Variants in PRKCD observed in about 807,000 individuals in gnomAD.
PRKCD encodes the protein protein kinase C delta type.
In PRKCD, 20 loss-of-function variants were observed where a neutral mutation model predicts 82.2. The ratio of observed to expected loss-of-function variants is 0.24; its 90% CI spans 0.17 to 0.35. The LOEUF (loss-of-function observed/expected upper bound fraction) is 0.35. Ranked by LOEUF, PRKCD falls within the 10% of genes least tolerant of loss-of-function variation. The pLI, the probability that PRKCD is intolerant of heterozygous loss-of-function variation, is 1.00. For missense variants in PRKCD, 607 were observed against 899.0 expected (o/e 0.68, Z 4.15); for synonymous variants, 317 against 337.0 (o/e 0.94, Z 0.65).
intron 2 of PRKCD, among the ~76,000 whole-genome samples, chr3:53,172,938 C>T (rs1422750867): frequency 1.3e-5 from 2 of 152,116 alleles, no homozygotes; most frequent in African/African-American, 2.4e-5. Flanking sequence ...GGGACCAGGC[C>T]GGATCTGGGA....
intron 1 of PRKCD, among the ~76,000 whole-genome samples, chr3:53,162,725 T>G (rs1702714876): frequency 6.7e-6 from 1 of 148,954 alleles, no homozygotes; most frequent in African/African-American, 2.5e-5. Context: ...TGTGTGTCCT[T>G]GCCTGCTAGT....
chr3:53,174,400 G>GC (rs1703147785), intron 2 of PRKCD, among the ~76,000 whole-genome samples: 1 of 152,196 alleles, frequency 6.6e-6, no homozygotes, highest in Admixed American at 6.5e-5. Flanking sequence ...GTGGGGTCGA[G>GC]CCCCCGGCAC....
At position 53,165,179 on chromosome 3, in the gene PRKCD, G is replaced by A. The variant is rs1213403807; in HGVS notation, c.-56G>A. 2 of 152,478 alleles carry A rather than the reference G, an allele frequency of 1.3e-5. No homozygotes were observed. Among genetic ancestry groups the A allele is most frequent in the Non-Finnish European group, 2.9e-5 (2 of 68,284 alleles). 9.4% of individuals were successfully genotyped at this position (152,478 alleles called of 1,614,324 possible). A position where few individuals can be genotyped will look rare whatever the true frequency, so the allele number is the denominator to read the frequency against. On this transcript the variant is annotated 5_prime_UTR_variant, in exon 2 of 19. Coordinates refer to ENST00000330452, the MANE Select transcript of PRKCD (RefSeq NM_006254.4). The stretch of plus-strand genomic sequence containing the variant: ...TTGGTGCGTTGTAGCAGCAGCGGGA[G>A]CCAGGACTAAGGACAAGCAGGAGCT...
chr3:53,175,865 G>A lies in PRKCD; in HGVS notation c.-19-2539G>A, dbSNP rs564707476. On this transcript the variant is annotated intron_variant, in intron 2 of 18. Coordinates refer to ENST00000330452, the MANE Select transcript of PRKCD (RefSeq NM_006254.4). ...CTCTTGGACCCTCAGGGACAAGCCAGGCAGCAAAAGGGGCAAGATGTCCAT... is the reference window on the plus strand; with the variant it reads ...CTCTTGGACCCTCAGGGACAAGCCAAGCAGCAAAAGGGGCAAGATGTCCAT... Among the ~76,000 whole-genome samples, 10 of 152,340 alleles carry A rather than the reference G, an allele frequency of 6.6e-5. No individual in the cohort carries two copies. The South Asian group carries it at 1.7e-3, about 25-fold the overall frequency.
chr3:53,187,658 G>A (rs146474730), intron 15 of PRKCD, among the ~76,000 whole-genome samples: 3 of 152,244 alleles, frequency 2.0e-5, no homozygotes, highest in Non-Finnish European at 2.9e-5. Context: ...CCTTGGAGCC[G>A]TCAGTCTCGC....
In PRKCD at chr3:53,189,254, C is replaced by A; in HGVS notation, c.1743+8C>A. The A allele has an allele frequency of 1.3e-6, 2 of 1,553,060 alleles. No individual in the cohort carries two copies. The highest frequency in any genetic ancestry group is 1.8e-6 in the Non-Finnish European group (2 of 1,136,878). On this transcript the variant is annotated splice_region_variant and intron_variant, in intron 17 of 18. Coordinates refer to ENST00000330452, the MANE Select transcript of PRKCD (RefSeq NM_006254.4). ...AAGGACATCCTGGAGAAGGTGGAGG[C>A]CCTGGGCTGGGCTGGGCTGGTCTGG...
chr3:53,188,838 C>T lies in PRKCD; in HGVS notation c.1534C>T (p.Pro512Ser). The T allele has an allele frequency of 1.2e-6, 2 of 1,614,152 alleles. No homozygotes were observed. Among genetic ancestry groups the T allele is most frequent in the Non-Finnish European group, 1.7e-6 (2 of 1,180,030 alleles). Residue 512 changes from proline to serine, a missense_variant, in exon 16 of 19, where the codon CCT becomes TCT. Physicochemically the swap from Pro to Ser is moderately conservative, Grantham distance 74. This residue lies in a region of PRKCD where 251 missense variants were observed against 423.9 expected (regional missense o/e 0.59). Transcript: ENST00000330452. ...CCGGGCCAGCACCTTCTGCGGCACC[C>T]CTGACTATATCGCCCCTGAGGTGAG... Reference protein sequence around the residue: ...ESRASTFCGTPDYIAPEILQG... With the variant: ...ESRASTFCGTSDYIAPEILQG...
At chr3:53,184,755 G>T in intron 9 of PRKCD, 119 bp from the exon 10 acceptor site, 1 of 707,058 alleles carries the variant, frequency 1.4e-6, no homozygotes, top group Non-Finnish European at 2.5e-6. Context: ...CCTAGAAACT[G>T]GAACCCAGCA....
chr3:53,179,263 C>T (rs551074059), intron 3 of PRKCD, among the ~76,000 whole-genome samples: 84 of 152,326 alleles, frequency 5.5e-4, no homozygotes, highest in Middle Eastern at 3.4e-3. Context: ...CTGTGTTCTG[C>T]GCCTCGAATA....
intron 4 of PRKCD, 36 bp downstream of exon 4, chr3:53,179,812 GTGTGTGTC>G (rs1297350421): frequency 5.8e-6 from 9 of 1,548,982 alleles, no homozygotes; most frequent in Non-Finnish European, 7.0e-6. Flanking sequence ...GTGTGTGTGT[GTGTGTGTC>G]TGTGTGTGTG....
chr3:53,161,916 C>A (rs1372328267), intron 1 of PRKCD, among the ~76,000 whole-genome samples: 1 of 145,868 alleles, frequency 6.9e-6, no homozygotes, highest in Non-Finnish European at 1.5e-5. Flanking sequence ...CGGAGCCGCG[C>A]CCCCGGCCCA....
Position 53,185,609 on chromosome 3 carries a change from C to T in PRKCD, c.894C>T (p.Ala298=), listed in dbSNP as rs782394276. ...AEALNQVTQR[A]SRRSDSASSE... Reference sequence around the variant, plus strand: ...CACCTCTGCTCCCTCCCCAGAGAGCCTCCCGGAGATCAGACTCAGCCTCCT... The same window carrying T: ...CACCTCTGCTCCCTCCCCAGAGAGCTTCCCGGAGATCAGACTCAGCCTCCT... The change falls in exon 11 of 19, where the codon GCC becomes GCT. Residue 298 remains alanine (A), a synonymous_variant. Transcript: ENST00000330452. 8.1e-6 allele frequency: 13 copies of T among 1,613,382 alleles called. No homozygotes were observed. The Admixed American group carries it at 2.2e-4, about 27-fold the overall frequency.
At chr3:53,185,896 C>G (rs782490995) in intron 11 of PRKCD, 31 bp from the exon 12 acceptor site, 1 of 1,611,382 alleles carries the variant, frequency 6.2e-7, no homozygotes, top group East Asian at 2.2e-5. Flanking sequence ...GACTGAGACC[C>G]CGATCTGAGG....
intron 4 of PRKCD, among the ~76,000 whole-genome samples, chr3:53,180,447 G>GCA (rs1703394412): frequency 6.6e-6 from 1 of 152,268 alleles, no homozygotes; most frequent in Non-Finnish European, 1.5e-5. Flanking sequence ...ATGTGCAGCT[G>GCA]TGTGTTCTGG....
At chr3:53,163,324 G>A (rs1297549916) in intron 1 of PRKCD, among the ~76,000 whole-genome samples, 38 of 151,764 alleles carry the variant, frequency 2.5e-4, no homozygotes. Flanking sequence ...AGGAGGGGGT[G>A]TGACAAGGTG....
In PRKCD at chr3:53,167,221, C is replaced by T. The variant is rs560208706; in HGVS notation, c.-20+2006C>T. On this transcript the variant is annotated intron_variant, in intron 2 of 18. Coordinates refer to ENST00000330452, the MANE Select transcript of PRKCD (RefSeq NM_006254.4). The stretch of plus-strand genomic sequence containing the variant: ...CTGTCAGTGGCTCTACGCCTTGCTC[C>T]GCCCCTGCCTTGCCTGCCCAGGGGA... 1.5e-4 allele frequency among the ~76,000 whole-genome samples: 23 copies of T among 152,304 alleles called. No individual in the cohort carries two copies. The South Asian group carries it at 2.7e-3, about 18-fold the overall frequency.
At chr3:53,187,241 C>A in intron 14 of PRKCD, 99 bp from the exon 15 acceptor site, 2 of 1,307,968 alleles carry the variant, frequency 1.5e-6, no homozygotes, top group Non-Finnish European at 2.2e-6. Context: ...GAGTTATTTG[C>A]AGCATTTCTT....
At chr3:53,177,958 T>TA (rs1553666233) in intron 2 of PRKCD, among the ~76,000 whole-genome samples, 4 of 151,086 alleles carry the variant, frequency 2.6e-5, no homozygotes, top group Non-Finnish European at 4.4e-5. Context: ...TTTTTTTTTT[T>TA]TTTTGAGACG....
chr3:53,183,393 G>T lies in PRKCD; in HGVS notation c.658-59G>T, dbSNP rs1703539171. The T allele has an allele frequency of 5.0e-6, 8 of 1,606,744 alleles. No individual in the cohort carries two copies. The East Asian group carries it at 1.6e-4, about 31-fold the overall frequency. On this transcript the variant is annotated intron_variant, in intron 8 of 18. Coordinates refer to ENST00000330452, the MANE Select transcript of PRKCD (RefSeq NM_006254.4). ...GCCCAGGGTTGGGGGAGAGCTAGGG[G>T]TTGAAGAAGAGGCTGGAGCTGGCAC...
Sources: gnomAD v4.1 joint callset for allele counts (sites outside exome capture counted in the v4.1 genomes callset) on GRCh38, gnomAD v4.1.1 for gene constraint, gnomAD v4.1.1 regional missense constraint, MANE v1.5 for transcripts, NCBI Gene and HGNC (gene_info 2026-07-23, HGNC 2026-07-21) for gene names.